WWOX: variants seen among roughly 807,000 people sequenced by gnomAD.
WWOX encodes WW domain containing oxidoreductase.
WWOX carries 69 observed loss-of-function variants against 46.2 expected under a neutral mutation model. That is an observed-to-expected ratio of 1.49 (90% CI 1.23 to 1.82). WWOX has a LOEUF of 1.82. Among genes scored for constraint, WWOX ranks in the 40% most tolerant of loss-of-function variants. The pLI, the probability that WWOX is intolerant of heterozygous loss-of-function variation, is 0.00. For synonymous variants in WWOX, 359 were observed against 202.6 expected, an observed-to-expected ratio of 1.77 and a Z score of -6.56; for missense variants, 919 against 542.6, an observed-to-expected ratio of 1.69 and a Z score of -6.89.
At chr16:78,913,015 T>C (rs2045152319) in intron 8 of WWOX, among the ~76,000 whole-genome samples, 1 of 151,978 alleles carries the variant, frequency 6.6e-6, no homozygotes, top group Non-Finnish European at 1.5e-5. Flanking sequence ...ATCTCTCGAG[T>C]TGTCTCAGAG....
chr16:79,158,392 C>G (rs932389337), intron 8 of WWOX, among the ~76,000 whole-genome samples: 1 of 152,166 alleles, frequency 6.6e-6, no homozygotes, highest in Non-Finnish European at 1.5e-5. Context: ...GCTTTAACAC[C>G]ATTCTGAATT....
chr16:78,621,592 C>CTATTTTTTTTTTTT (rs2046184592), intron 8 of WWOX, among the ~76,000 whole-genome samples: 1 of 31,512 alleles, frequency 3.2e-5, no homozygotes. Flanking sequence ...TTGTTCTAAT[C>CTATTTTTTTTTTTT]TTTTTTTTTT....
rs2044492379 is a variant in WWOX, at chr16:78,887,508, CA to C, written c.1057-324099del. Among the ~76,000 whole-genome samples the C allele has an allele frequency of 7.2e-5, 9 of 124,396 alleles. 1 individual carries two copies. The highest frequency in any genetic ancestry group is 2.3e-4 in the African/African-American group (8 of 34,792). 81.6% of individuals were successfully genotyped at this position (124,396 alleles called of 152,430 possible). ...ACACACACACACACACACACACACA[CA>C]CACACACACAAGAAATGACTACAGA... is the stretch of plus-strand genomic sequence containing the variant. On this transcript the variant is annotated intron_variant, in intron 8 of 8. Coordinates refer to ENST00000566780, the MANE Select transcript of WWOX (RefSeq NM_016373.4).
At chr16:78,351,538 T>G (rs576484585) in intron 5 of WWOX, among the ~76,000 whole-genome samples, 2 of 152,296 alleles carry the variant, frequency 1.3e-5, no homozygotes, top group African/African-American at 4.8e-5. Context: ...GCAGGCTGCC[T>G]CTGTTTCTAC....
At chr16:78,830,195 AG>A (rs2151156536) in intron 8 of WWOX, among the ~76,000 whole-genome samples, 1 of 152,358 alleles carries the variant, frequency 6.6e-6, no homozygotes, top group Admixed American at 6.5e-5. Context: ...AAGGAGGGAG[AG>A]GATGAAGGAA....
intron 4 of WWOX, among the ~76,000 whole-genome samples, chr16:78,158,152 A>C (rs1461863927): frequency 2.0e-5 from 3 of 152,200 alleles, no homozygotes; most frequent in East Asian, 1.9e-4. Context: ...ACTGTTTTCT[A>C]TGAAGATTAG....
chr16:78,536,388 A>G (rs936171925), intron 8 of WWOX, among the ~76,000 whole-genome samples: 2 of 151,742 alleles, frequency 1.3e-5, no homozygotes, highest in South Asian at 2.1e-4. Flanking sequence ...GGGGCATCCA[A>G]GATAATGTAA....
intron 8 of WWOX, among the ~76,000 whole-genome samples, chr16:78,476,051 C>T (rs760691970): frequency 6.6e-6 from 1 of 152,148 alleles, no homozygotes; most frequent in Non-Finnish European, 1.5e-5. Context: ...ATGATCACTC[C>T]CCAGTTTGAC....
At chr16:78,539,449 G>C (rs1183571610) in intron 8 of WWOX, among the ~76,000 whole-genome samples, 1 of 152,210 alleles carries the variant, frequency 6.6e-6, no homozygotes, top group Non-Finnish European at 1.5e-5. Context: ...ATTTTAAAGA[G>C]TGCATTTCTC....
chr16:78,715,791 T>A (rs1273605879), intron 8 of WWOX, among the ~76,000 whole-genome samples: 1 of 152,186 alleles, frequency 6.6e-6, no homozygotes, highest in African/African-American at 2.4e-5. Flanking sequence ...CTGACCATTT[T>A]ATCAGGAAAA....
chr16:78,605,889 T>C lies in WWOX; in HGVS notation c.1056+173137T>C, dbSNP rs575735081. Reference sequence around the variant, plus strand: ...ACCATATTTGGCCCTATAATTAATATGCAAGTTCAAATACCTCTTGCATGG... The same window carrying C: ...ACCATATTTGGCCCTATAATTAATACGCAAGTTCAAATACCTCTTGCATGG... On this transcript the variant is annotated intron_variant, in intron 8 of 8. Coordinates refer to ENST00000566780, the MANE Select transcript of WWOX (RefSeq NM_016373.4). Among the ~76,000 whole-genome samples the C allele has an allele frequency of 2.0e-5, 3 of 152,336 alleles. No homozygotes were observed. In the South Asian group the frequency reaches 6.2e-4, roughly 32 times the overall value.
intron 8 of WWOX, among the ~76,000 whole-genome samples, chr16:78,817,758 C>T (rs746558849): frequency 5.9e-5 from 9 of 152,136 alleles, no homozygotes; most frequent in Non-Finnish European, 1.2e-4. Context: ...CTTTCTCTTC[C>T]CCTGAGATTG....
chr16:78,283,739 C>A (rs1395445607), intron 5 of WWOX, among the ~76,000 whole-genome samples: 4 of 151,980 alleles, frequency 2.6e-5, no homozygotes, highest in Non-Finnish European at 5.9e-5. Context: ...TTTCCCTCCC[C>A]CAAACAATGG....
intron 8 of WWOX, among the ~76,000 whole-genome samples, chr16:78,815,410 G>T (rs1175132320): frequency 3.3e-5 from 5 of 151,950 alleles, no homozygotes; most frequent in Non-Finnish European, 7.4e-5. Flanking sequence ...GGAGTACATT[G>T]CATGAAACCT....
At chr16:78,521,434 G>C (rs1043919069) in intron 8 of WWOX, among the ~76,000 whole-genome samples, 1 of 152,130 alleles carries the variant, frequency 6.6e-6, no homozygotes, top group African/African-American at 2.4e-5. Context: ...ACAGAGATGA[G>C]GAAGGCAGAG....
chr16:78,590,429 C>T (rs927773125), intron 8 of WWOX, among the ~76,000 whole-genome samples: 1 of 152,134 alleles, frequency 6.6e-6, no homozygotes, highest in Non-Finnish European at 1.5e-5. Context: ...GCGGGAAGAA[C>T]CCTTCAACTC....
intron 8 of WWOX, among the ~76,000 whole-genome samples, chr16:78,751,610 G>A (rs902702915): frequency 3.3e-5 from 5 of 151,454 alleles, no homozygotes; most frequent in East Asian, 1.9e-4. Flanking sequence ...AGTCATGCAT[G>A]CCTTATATTT....
chr16:78,531,589 TC>T lies in WWOX; in HGVS notation c.1056+98840del, dbSNP rs750861542. On this transcript the variant is annotated intron_variant, in intron 8 of 8. Transcript: ENST00000566780. Reference sequence around the variant, plus strand: ...TGGGCGTGGTGGCTCATGACTGTAATCCCAGCACTTTGGGAGTCTGAGGCAG... The same window carrying T: ...TGGGCGTGGTGGCTCATGACTGTAATCCAGCACTTTGGGAGTCTGAGGCAG... 6.6e-5 allele frequency among the ~76,000 whole-genome samples: 10 copies of T among 152,162 alleles called. No individual in the cohort carries two copies. The East Asian group carries it at 9.6e-4, about 15-fold the overall frequency.
At chr16:78,113,421 C>A (rs923277127) in intron 3 of WWOX, among the ~76,000 whole-genome samples, 2 of 152,196 alleles carry the variant, frequency 1.3e-5, no homozygotes, top group African/African-American at 4.8e-5. Flanking sequence ...AGCAGCTATA[C>A]ACAATATACA....
Sources: gnomAD v4.1 joint callset for allele counts (sites outside exome capture counted in the v4.1 genomes callset) on GRCh38, gnomAD v4.1.1 for gene constraint, MANE v1.5 for transcripts, NCBI Gene and HGNC (gene_info 2026-07-23, HGNC 2026-07-21) for gene names.